SORBS2: variants seen among roughly 807,000 people sequenced by gnomAD.
The protein encoded by SORBS2 is sorbin and SH3 domain containing 2, also known as sorbin and SH3 domain-containing protein 2.
Under a neutral mutation model 97.7 loss-of-function variants are expected in SORBS2, and 46 were observed. The ratio of observed to expected loss-of-function variants is 0.47; its 90% CI spans 0.37 to 0.60. The LOEUF (loss-of-function observed/expected upper bound fraction) is 0.60, where lower values mean the gene tolerates loss of function less well. Among genes scored for constraint, SORBS2 ranks in the 20% least tolerant of loss-of-function variants. The pLI is 0.00. For missense variants in SORBS2, 1,316 were observed against 1,282.3 expected (o/e 1.03, Z -0.40); for synonymous variants, 476 against 473.4 (o/e 1.01, Z -0.07).
intron 2 of SORBS2, among the ~76,000 whole-genome samples, chr4:185,731,827 TC>T (rs2098635911): frequency 1.1e-5 from 1 of 89,220 alleles, no homozygotes; most frequent in African/African-American, 4.7e-5. Flanking sequence ...TGCCTGTCTC[TC>T]TCTTTCTCTC....
intron 2 of SORBS2, among the ~76,000 whole-genome samples, chr4:185,768,712 C>CAAAAAAAA (rs72088117): frequency 8.6e-6 from 1 of 116,804 alleles, no homozygotes. Context: ...AAAAAAAAAA[C>CAAAAAAAA]AAAAAAACAA....
chr4:185,750,397 C>G (rs2098791931), intron 2 of SORBS2, among the ~76,000 whole-genome samples: 1 of 152,192 alleles, frequency 6.6e-6, no homozygotes, highest in Non-Finnish European at 1.5e-5. Context: ...GGTCTGCATT[C>G]AGGATCCACG....
intron 1 of SORBS2, among the ~76,000 whole-genome samples, chr4:185,924,524 C>T (rs2099262568): frequency 2.6e-5 from 4 of 152,222 alleles, no homozygotes; most frequent in African/African-American, 9.6e-5. Flanking sequence ...CCAAACAAGG[C>T]AATACCCGCT....
intron 1 of SORBS2, among the ~76,000 whole-genome samples, chr4:185,780,568 T>C (rs1362336962): frequency 1.3e-5 from 2 of 152,210 alleles, no homozygotes; most frequent in Non-Finnish European, 2.9e-5. Flanking sequence ...GAAAGGCAGA[T>C]AGAGGCATGG....
intron 4 of SORBS2, among the ~76,000 whole-genome samples, chr4:185,663,576 C>T (rs1419617319): frequency 6.6e-6 from 1 of 152,198 alleles, no homozygotes; most frequent in African/African-American, 2.4e-5. Flanking sequence ...CAGGCCTGCC[C>T]AAATCTTCAG....
At chr4:185,612,516 A>T (rs1367242291) in intron 11 of SORBS2, among the ~76,000 whole-genome samples, 28 of 147,718 alleles carry the variant, frequency 1.9e-4, no homozygotes, top group Non-Finnish European at 3.3e-4. Flanking sequence ...TTGAGAGGGA[A>T]TCTCACTCTG....
chr4:185,801,013 C>G (rs568416166), intron 1 of SORBS2, among the ~76,000 whole-genome samples: 2 of 152,332 alleles, frequency 1.3e-5, no homozygotes, highest in African/African-American at 4.8e-5. Flanking sequence ...TGTCCTATAA[C>G]TGAAAGTCTG....
At chr4:185,798,380 C>T (rs888279936) in intron 1 of SORBS2, among the ~76,000 whole-genome samples, 1 of 152,094 alleles carries the variant, frequency 6.6e-6, no homozygotes, top group African/African-American at 2.4e-5. Context: ...TTTTAACTTG[C>T]ATTATTTCTT....
chr4:185,657,316 G>A, upstream of SORBS2: 3 of 1,045,786 alleles, frequency 2.9e-6, no homozygotes, highest in South Asian at 4.8e-5. Flanking sequence ...GGCACGGAGG[G>A]CAATCCTCCT....
chr4:185,587,749 C>G (rs1309910608), intron 14 of SORBS2, 61 bp from the exon 27 acceptor site: 2 of 1,295,024 alleles, frequency 1.5e-6, no homozygotes, highest in Non-Finnish European at 2.2e-6. Flanking sequence ...TACACATGGG[C>G]TTGAATACTT....
intron 2 of SORBS2, among the ~76,000 whole-genome samples, chr4:185,723,478 C>G (rs2098532366): frequency 1.3e-5 from 2 of 152,188 alleles, no homozygotes; most frequent in South Asian, 2.1e-4. Flanking sequence ...TTCAGAGGCT[C>G]TAAGGGAAGT....
intron 1 of SORBS2, among the ~76,000 whole-genome samples, chr4:185,905,111 A>G (rs147085442): frequency 0.02 from 3,024 of 151,696 alleles, 47 homozygotes; most frequent in African/African-American, 0.046. Context: ...TCAAAAAAAA[A>G]AAAGAAAGAA....
chr4:185,816,102 C>T (rs2099193146), intron 1 of SORBS2, among the ~76,000 whole-genome samples: 2 of 152,170 alleles, frequency 1.3e-5, no homozygotes, highest in South Asian at 4.1e-4. Context: ...TTTGCACTTT[C>T]TTGAAACAAG....
intron 5 of SORBS2, among the ~76,000 whole-genome samples, chr4:185,628,962 T>G (rs928966864): frequency 5.3e-5 from 8 of 152,210 alleles, no homozygotes; most frequent in African/African-American, 1.9e-4. Context: ...CACTGGATTC[T>G]TAGACAAGAC....
chr4:185,885,246 G>A (rs918407525), intron 1 of SORBS2, among the ~76,000 whole-genome samples: 1 of 152,186 alleles, frequency 6.6e-6, no homozygotes, highest in Non-Finnish European at 1.5e-5. Context: ...CCTCTTATGT[G>A]AACTGCAGAG....
intron 1 of SORBS2, among the ~76,000 whole-genome samples, chr4:185,836,204 G>T (rs1366924002): frequency 6.6e-6 from 1 of 152,106 alleles, no homozygotes; most frequent in African/African-American, 2.4e-5. Flanking sequence ...GAATCATGGA[G>T]CGTTTTACAG....
intron 1 of SORBS2, among the ~76,000 whole-genome samples, chr4:185,872,332 T>C (rs1009390355): frequency 1.3e-5 from 2 of 152,166 alleles, no homozygotes; most frequent in African/African-American, 4.8e-5. Context: ...GTCATTCCTC[T>C]TATTAGAGGT....
At chr4:185,647,044 T>G (rs1438060078) in intron 3 of SORBS2, among the ~76,000 whole-genome samples, 3 of 152,190 alleles carry the variant, frequency 2.0e-5, no homozygotes, top group Non-Finnish European at 4.4e-5. Context: ...TAGGTGGCAG[T>G]ATGCTCTGCT....
intron 1 of SORBS2, among the ~76,000 whole-genome samples, chr4:185,847,660 A>G (rs1323861701): frequency 1.3e-5 from 2 of 152,152 alleles, no homozygotes; most frequent in Non-Finnish European, 2.9e-5. Flanking sequence ...GACGGCAGCA[A>G]CGATTATAGC....
Sources: allele counts gnomAD v4.1 joint callset (sites outside exome capture counted in the v4.1 genomes callset), GRCh38; gene constraint gnomAD v4.1.1; transcripts MANE v1.5; gene names NCBI Gene and HGNC (gene_info 2026-07-23, HGNC 2026-07-21).